VAV3: variants seen among roughly 807,000 people sequenced by gnomAD.
The protein encoded by VAV3 is guanine nucleotide exchange factor VAV3.
VAV3 carries 94 observed loss-of-function variants against 131.2 expected under a neutral mutation model. The ratio of observed to expected loss-of-function variants is 0.72; its 90% CI spans 0.61 to 0.85. The LOEUF is 0.85. Ranked by LOEUF, VAV3 falls within the 40% of genes least tolerant of loss-of-function variation. The probability of loss-of-function intolerance (pLI) is 0.00; values close to 1 mark genes in which losing one functional copy is unlikely to be tolerated. For missense variants in VAV3, 939 were observed against 1,002.7 expected, an observed-to-expected ratio of 0.94 and a Z score of 0.86; for synonymous variants, 349 against 342.0, an observed-to-expected ratio of 1.02 and a Z score of -0.22.
chr1:107,636,631 A>G (rs1314758779), intron 20 of VAV3, among the ~76,000 whole-genome samples: 1 of 152,194 alleles, frequency 6.6e-6, no homozygotes, highest in Non-Finnish European at 1.5e-5. Flanking sequence ...AACTGATATA[A>G]TTTATTGAAT....
chr1:107,575,950 GTCATCT>G (rs1405914303), intron 25 of VAV3, among the ~76,000 whole-genome samples: 1 of 152,152 alleles, frequency 6.6e-6, no homozygotes, highest in Non-Finnish European at 1.5e-5. Flanking sequence ...ATGGGCGCCA[GTCATCT>G]TTTCAAGTAA....
chr1:107,610,807 A>G (rs1652668611), intron 21 of VAV3, among the ~76,000 whole-genome samples: 2 of 152,220 alleles, frequency 1.3e-5, no homozygotes, highest in African/African-American at 4.8e-5. Flanking sequence ...AAAAATTCCT[A>G]CGAATAGGAG....
intron 25 of VAV3, among the ~76,000 whole-genome samples, chr1:107,576,788 C>T (rs1649685778): frequency 6.6e-6 from 1 of 152,132 alleles, no homozygotes; most frequent in Non-Finnish European, 1.5e-5. Flanking sequence ...AAAGGGGTAA[C>T]CTGTAGATGC....
At chr1:107,893,478 GT>G (rs1671411923) in intron 1 of VAV3, among the ~76,000 whole-genome samples, 1 of 152,108 alleles carries the variant, frequency 6.6e-6, no homozygotes, top group Non-Finnish European at 1.5e-5. Flanking sequence ...AGGAAGAAGA[GT>G]TTAATGGACT....
intron 20 of VAV3, among the ~76,000 whole-genome samples, chr1:107,635,274 G>C (rs1397032041): frequency 6.6e-6 from 1 of 152,004 alleles, no homozygotes; most frequent in Non-Finnish European, 1.5e-5. Context: ...TATACACCAA[G>C]GAATACTATG....
intron 2 of VAV3, among the ~76,000 whole-genome samples, chr1:107,869,967 C>T (rs1364031762): frequency 1.3e-5 from 2 of 152,176 alleles, no homozygotes; most frequent in African/African-American, 4.8e-5. Context: ...GCTGCAAATG[C>T]CATTAATTCA....
chr1:107,598,212 C>T (rs535370584), intron 24 of VAV3, among the ~76,000 whole-genome samples: 1 of 152,012 alleles, frequency 6.6e-6, no homozygotes. Flanking sequence ...AAAAGTTAGC[C>T]AGGTGTGGTG....
intron 2 of VAV3, among the ~76,000 whole-genome samples, chr1:107,849,253 AAAAG>A (rs1432552875): frequency 6.6e-6 from 1 of 152,070 alleles, no homozygotes; most frequent in Non-Finnish European, 1.5e-5. Context: ...AAAAAAAAAA[AAAAG>A]TCTGCATAGC....
chr1:107,749,311 G>T, intron 14 of VAV3, 151 bp downstream of exon 14: 1 of 947,920 alleles, frequency 1.1e-6, no homozygotes, highest in Non-Finnish European at 1.5e-6. Context: ...GCATTATCCA[G>T]TTATTTCTCA....
chr1:107,705,620 T>A (rs1304532137), intron 15 of VAV3, among the ~76,000 whole-genome samples: 1 of 152,072 alleles, frequency 6.6e-6, no homozygotes, highest in Non-Finnish European at 1.5e-5. Flanking sequence ...ACAAAATAAT[T>A]TTACCATTTA....
chr1:107,927,450 A>T (rs1278441169), intron 1 of VAV3, among the ~76,000 whole-genome samples: 2 of 151,792 alleles, frequency 1.3e-5, no homozygotes, highest in East Asian at 3.9e-4. Flanking sequence ...ATTGTACCTT[A>T]GGTACCAGCT....
chr1:107,595,560 T>C (rs777379813), intron 25 of VAV3, among the ~76,000 whole-genome samples: 1 of 152,176 alleles, frequency 6.6e-6, no homozygotes, highest in Non-Finnish European at 1.5e-5. Context: ...TTTCAATTTT[T>C]TTGTTACATG....
intron 1 of VAV3, among the ~76,000 whole-genome samples, chr1:107,889,935 A>C (rs1330908957): frequency 2.6e-5 from 4 of 152,136 alleles, no homozygotes; most frequent in Non-Finnish European, 5.9e-5. Flanking sequence ...GACTAAAGGC[A>C]TCTGGCTGTG....
intron 15 of VAV3, among the ~76,000 whole-genome samples, chr1:107,730,770 G>T (rs940065038): frequency 6.6e-6 from 1 of 152,110 alleles, no homozygotes; most frequent in Non-Finnish European, 1.5e-5. Flanking sequence ...TCTAGTGAAT[G>T]AATATGCTAC....
chr1:107,730,017 A>G (rs1321731652), intron 15 of VAV3, among the ~76,000 whole-genome samples: 1 of 152,194 alleles, frequency 6.6e-6, no homozygotes, highest in Non-Finnish European at 1.5e-5. Flanking sequence ...ACCATCGACC[A>G]ATGGAATAGT....
chr1:107,822,524 G>A (rs893611243), intron 2 of VAV3, among the ~76,000 whole-genome samples: 3 of 151,742 alleles, frequency 2.0e-5, no homozygotes, highest in East Asian at 1.9e-4. Flanking sequence ...GCAAGGTGGC[G>A]GGTGCCTGTA....
rs1021161330 is a variant in VAV3, at chr1:107,581,770, A to T, written c.2351-7572T>A. On this transcript the variant is annotated intron_variant, in intron 25 of 26. Transcript: ENST00000370056. ...TTTTAAAGTATTATGTTCTGCCTTG[A>T]TCGTGCTATTAATGTTCATGAGCAG... Among the ~76,000 whole-genome samples, 4 of 152,198 alleles carry T rather than the reference A, an allele frequency of 2.6e-5. No individual in the cohort carries two copies. The East Asian group carries it at 7.7e-4, about 29-fold the overall frequency.
intron 24 of VAV3, among the ~76,000 whole-genome samples, chr1:107,601,373 C>A (rs530681118): frequency 1.3e-5 from 2 of 152,242 alleles, no homozygotes; most frequent in Admixed American, 1.3e-4. Flanking sequence ...AACACTGACA[C>A]CTGCCTTGAA....
chr1:107,798,579 C>T (rs1570969280), intron 2 of VAV3, among the ~76,000 whole-genome samples: 2 of 151,588 alleles, frequency 1.3e-5, no homozygotes, highest in Admixed American at 6.6e-5. Flanking sequence ...ATTAGCCGGG[C>T]GTGGTGGTGG....
Sources: gnomAD v4.1 joint callset for allele counts (sites outside exome capture counted in the v4.1 genomes callset) on GRCh38, gnomAD v4.1.1 for gene constraint, MANE v1.5 for transcripts, NCBI Gene and HGNC (gene_info 2026-07-23, HGNC 2026-07-21) for gene names.